Variants in SYNPO2 observed in about 807,000 individuals in gnomAD.
The protein encoded by SYNPO2 is synaptopodin 2.
Under a neutral mutation model 85.0 loss-of-function variants are expected in SYNPO2, and 56 were observed. The ratio of observed to expected loss-of-function variants is 0.66; its 90% confidence interval spans 0.53 to 0.82. SYNPO2 has a LOEUF of 0.82. SYNPO2 is among the 40% of genes least tolerant of loss of function. The pLI, the probability that SYNPO2 is intolerant of heterozygous loss-of-function variation, is 0.00. For missense variants in SYNPO2, 1,575 were observed against 1,534.2 expected (o/e 1.03, Z -0.44); for synonymous variants, 602 against 591.1 (o/e 1.02, Z -0.27).
chr4:118,982,622 T>A (rs970504698), intron 1 of SYNPO2, among the ~76,000 whole-genome samples: 1 of 152,174 alleles, frequency 6.6e-6, no homozygotes, highest in Non-Finnish European at 1.5e-5. Context: ...CCCAGTAAAT[T>A]ACTTGCAGAT....
Position 118,954,257 on chromosome 4 carries a change from T to C in SYNPO2, c.105+65116T>C, listed in dbSNP as rs149443368. On this transcript the variant is annotated intron_variant, in intron 1 of 4. Coordinates refer to ENST00000307142, the MANE Select transcript of SYNPO2 (RefSeq NM_133477.3). ...AAAAAGTCACTTAAAACACTGACAA[T>C]TTGCCTCCAAATGTGCCTTCAATAT... Among the ~76,000 whole-genome samples, 517 of 152,348 alleles carry C rather than the reference T, an allele frequency of 3.4e-3. 4 individuals are homozygous for C. Among genetic ancestry groups the C allele is most frequent in the African/African-American group, 0.012 (497 of 41,584 alleles).
At chr4:118,993,003 G>A (rs190897965) in intron 1 of SYNPO2, among the ~76,000 whole-genome samples, 2 of 152,234 alleles carry the variant, frequency 1.3e-5, no homozygotes, top group Non-Finnish European at 2.9e-5. Context: ...GGCAAAGCTA[G>A]ATTCATCTTC....
At chr4:118,859,671 C>T (rs1255965807) in intron 1 of SYNPO2, among the ~76,000 whole-genome samples, 1 of 152,166 alleles carries the variant, frequency 6.6e-6, no homozygotes, top group African/African-American at 2.4e-5. Context: ...TGATAACATG[C>T]AATGTTTATC....
At chr4:118,967,204 A>G (rs1328413557) in intron 1 of SYNPO2, among the ~76,000 whole-genome samples, 1 of 152,096 alleles carries the variant, frequency 6.6e-6, no homozygotes, top group Admixed American at 6.5e-5. Flanking sequence ...CCCACTCTAT[A>G]CTGCCCATTT....
intron 1 of SYNPO2, among the ~76,000 whole-genome samples, chr4:118,867,467 C>CTTTT (rs145121607): frequency 2.2e-5 from 3 of 138,432 alleles, no homozygotes; most frequent in Admixed American, 7.2e-5. Context: ...TAGTTTCTTT[C>CTTTT]TTTTTTTTTT....
intron 1 of SYNPO2, among the ~76,000 whole-genome samples, chr4:118,903,951 C>G (rs1054064736): frequency 6.6e-6 from 1 of 152,144 alleles, no homozygotes; most frequent in East Asian, 1.9e-4. Context: ...CTCCTGACCT[C>G]GTGATCCGCC....
intron 4 of SYNPO2, among the ~76,000 whole-genome samples, chr4:119,052,047 TTC>T (rs2149200745): frequency 6.6e-6 from 1 of 152,284 alleles, no homozygotes; most frequent in African/African-American, 2.4e-5. Context: ...TCAAAGTGTC[TTC>T]TTAGAGAACT....
chr4:118,869,439 A>C (rs553829608), intron 1 of SYNPO2, among the ~76,000 whole-genome samples: 1 of 152,328 alleles, frequency 6.6e-6, no homozygotes, highest in South Asian at 2.1e-4. Flanking sequence ...GGAAATATAA[A>C]ATTTAAACCA....
chr4:119,022,486 C>T (rs1737758281), intron 1 of SYNPO2, among the ~76,000 whole-genome samples: 1 of 143,584 alleles, frequency 7.0e-6, no homozygotes, highest in Non-Finnish European at 1.5e-5. Context: ...CACCACCAAG[C>T]GGGCTAATTT....
chr4:118,868,921 G>C (rs1025275251), intron 1 of SYNPO2, among the ~76,000 whole-genome samples: 1 of 152,138 alleles, frequency 6.6e-6, no homozygotes, highest in Non-Finnish European at 1.5e-5. Flanking sequence ...TAAGAGTCTG[G>C]CTTGCTTTCC....
chr4:118,932,631 C>T (rs749761286), intron 1 of SYNPO2, among the ~76,000 whole-genome samples: 1 of 152,106 alleles, frequency 6.6e-6, no homozygotes, highest in Admixed American at 6.6e-5. Flanking sequence ...TTATGGTTCA[C>T]GTTCGGCAGA....
At chr4:118,990,647 C>G (rs1227990778) in intron 1 of SYNPO2, among the ~76,000 whole-genome samples, 4 of 152,082 alleles carry the variant, frequency 2.6e-5, no homozygotes, top group Non-Finnish European at 4.4e-5. Flanking sequence ...CTCGCTCGGT[C>G]GCCCAGGCAG....
chr4:119,047,204 G>T (rs976293957), intron 4 of SYNPO2, among the ~76,000 whole-genome samples: 25 of 152,146 alleles, frequency 1.6e-4, no homozygotes, highest in African/African-American at 5.8e-4. Flanking sequence ...GAGATTACAG[G>T]CATGAGCCAC....
chr4:119,045,268 C>A (rs1048942407), intron 4 of SYNPO2, among the ~76,000 whole-genome samples: 1 of 152,070 alleles, frequency 6.6e-6, no homozygotes, highest in African/African-American at 2.4e-5. Flanking sequence ...AAGTGCTTAC[C>A]ATGTGCCAGG....
intron 1 of SYNPO2, among the ~76,000 whole-genome samples, chr4:118,947,747 C>T (rs1325024636): frequency 6.6e-6 from 1 of 152,176 alleles, no homozygotes; most frequent in African/African-American, 2.4e-5. Context: ...CAGTTTAATT[C>T]TGGCATATGC....
At chr4:118,983,337 A>C (rs1262676857) in intron 1 of SYNPO2, among the ~76,000 whole-genome samples, 3 of 151,604 alleles carry the variant, frequency 2.0e-5, no homozygotes, top group Non-Finnish European at 4.4e-5. Flanking sequence ...CTCCATTCAC[A>C]CTAGATTCCT....
intron 1 of SYNPO2, among the ~76,000 whole-genome samples, chr4:118,937,538 A>T (rs1734150488): frequency 6.6e-6 from 1 of 152,074 alleles, no homozygotes; most frequent in Non-Finnish European, 1.5e-5. Flanking sequence ...CAGACAGTAG[A>T]CCATAAACTA....
At chr4:118,994,781 A>G (rs1370775127) in intron 1 of SYNPO2, among the ~76,000 whole-genome samples, 2 of 152,228 alleles carry the variant, frequency 1.3e-5, no homozygotes, top group African/African-American at 4.8e-5. Flanking sequence ...GGTGTTATAG[A>G]AAAAGATCTT....
chr4:119,039,583 A>G (rs1738643313), intron 4 of SYNPO2, among the ~76,000 whole-genome samples: 1 of 152,192 alleles, frequency 6.6e-6, no homozygotes, highest in Non-Finnish European at 1.5e-5. Context: ...GGGAAGCTCA[A>G]CATTTTGCTG....
Sources: gnomAD v4.1 joint callset for allele counts (sites outside exome capture counted in the v4.1 genomes callset) on GRCh38, gnomAD v4.1.1 for gene constraint, MANE v1.5 for transcripts, NCBI Gene and HGNC (gene_info 2026-07-23, HGNC 2026-07-21) for gene names.